The following PDE1C variants were observed in gnomAD, a reference collection of about 807,000 sequenced individuals.
The protein encoded by PDE1C is phosphodiesterase 1C, also known as dual specificity calcium/calmodulin-dependent 3',5'-cyclic nucleotide phosphodiesterase 1C.
PDE1C carries 62 observed loss-of-function variants against 93.1 expected under a neutral mutation model. That is an observed-to-expected ratio of 0.67 (90% CI 0.54 to 0.82). PDE1C has a LOEUF of 0.82. Among genes scored for constraint, PDE1C ranks in the 40% least tolerant of loss-of-function variants. The probability of loss-of-function intolerance (pLI) is 0.00; values close to 1 mark genes in which losing one functional copy is unlikely to be tolerated. For missense variants in PDE1C, 742 were observed against 884.6 expected (o/e 0.84, Z 2.04); for synonymous variants, 325 against 310.1 (o/e 1.05, Z -0.50).
chr7:32,418,776 G>T (rs141634258), intron 1 of PDE1C, among the ~76,000 whole-genome samples: 1 of 152,220 alleles, frequency 6.6e-6, no homozygotes, highest in African/African-American at 2.4e-5. Context: ...AAAAATTAAA[G>T]TCCCAAAGAG....
chr7:31,726,179 C>T, the PDE1C span, among the ~76,000 whole-genome samples: 1 of 152,122 alleles, frequency 6.6e-6, no homozygotes, highest in Non-Finnish European at 1.5e-5. Flanking sequence ...AGCATTTCTC[C>T]CGCTTTAATC....
intron 7 of PDE1C, 79 bp downstream of exon 7, chr7:31,864,863 C>T (rs961605382): frequency 7.2e-6 from 10 of 1,392,676 alleles, no homozygotes; most frequent in Non-Finnish European, 9.1e-6. Flanking sequence ...GCCTCCACCT[C>T]ATCAGAATTG....
chr7:32,005,964 T>C (rs979603320), intron 2 of PDE1C, among the ~76,000 whole-genome samples: 3 of 152,186 alleles, frequency 2.0e-5, no homozygotes, highest in Non-Finnish European at 4.4e-5. Context: ...ATAAAAGATA[T>C]CTTAAAGTAT....
intron 2 of PDE1C, among the ~76,000 whole-genome samples, chr7:32,204,010 G>A (rs1805223664): frequency 6.6e-6 from 1 of 152,184 alleles, no homozygotes; most frequent in Admixed American, 6.5e-5. Flanking sequence ...CAAATTGCCA[G>A]CATCAGTACT....
intron 2 of PDE1C, among the ~76,000 whole-genome samples, chr7:31,959,706 A>G (rs1206950605): frequency 6.6e-6 from 1 of 152,196 alleles, no homozygotes; most frequent in Non-Finnish European, 1.5e-5. Context: ...AAAGTTTCCA[A>G]TTGTTTAAAG....
At chr7:32,079,336 C>T (rs565898718) in intron 3 of PDE1C, among the ~76,000 whole-genome samples, 1 of 152,226 alleles carries the variant, frequency 6.6e-6, no homozygotes, top group East Asian at 1.9e-4. Flanking sequence ...AGATGCATCA[C>T]TGTAAAGGTA....
intron 3 of PDE1C, among the ~76,000 whole-genome samples, chr7:32,146,488 GA>G (rs1563351578): frequency 1.3e-5 from 2 of 152,086 alleles, no homozygotes; most frequent in Non-Finnish European, 2.9e-5. Flanking sequence ...GCCATCTTCA[GA>G]TCTCTATCTG....
chr7:31,621,653 T>C, the PDE1C span, among the ~76,000 whole-genome samples: 1 of 147,834 alleles, frequency 6.8e-6, no homozygotes, highest in African/African-American at 2.5e-5. Flanking sequence ...TGCAAAATCA[T>C]GCCAAAATGT....
At chr7:32,315,744 C>A (rs1783155773) in intron 1 of PDE1C, among the ~76,000 whole-genome samples, 1 of 152,156 alleles carries the variant, frequency 6.6e-6, no homozygotes, top group Non-Finnish European at 1.5e-5. Flanking sequence ...GCCTGTAATC[C>A]CAGCACTTTG....
At chr7:32,308,747 G>A (rs1052940568) in intron 1 of PDE1C, among the ~76,000 whole-genome samples, 1 of 152,180 alleles carries the variant, frequency 6.6e-6, no homozygotes, top group Non-Finnish European at 1.5e-5. Context: ...AAACCCTTCT[G>A]TACGTCACCA....
At chr7:31,623,788 A>G in the PDE1C span, among the ~76,000 whole-genome samples, 1 of 151,896 alleles carries the variant, frequency 6.6e-6, no homozygotes, top group African/African-American at 2.4e-5. Context: ...AGGCAGGAGA[A>G]GGAAATAAAG....
chr7:32,192,757 A>G (rs558722533), intron 2 of PDE1C, among the ~76,000 whole-genome samples: 2 of 152,288 alleles, frequency 1.3e-5, no homozygotes, highest in South Asian at 2.1e-4. Context: ...TTAAATCTGC[A>G]TATAATTATA....
chr7:32,077,237 C>A (rs1796407637), intron 3 of PDE1C, among the ~76,000 whole-genome samples: 1 of 152,098 alleles, frequency 6.6e-6, no homozygotes, highest in African/African-American at 2.4e-5. Flanking sequence ...AAGATTCTAT[C>A]TTAAAAAACA....
the PDE1C span, chr7:31,687,015 G>A: frequency 2.0e-5 from 3 of 152,142 alleles, no homozygotes; most frequent in African/African-American, 7.2e-5. Context: ...AATTTCTCTG[G>A]TGTGCACACC....
intron 2 of PDE1C, among the ~76,000 whole-genome samples, chr7:32,012,279 T>C (rs1787242221): frequency 6.6e-6 from 1 of 152,216 alleles, no homozygotes; most frequent in Non-Finnish European, 1.5e-5. Flanking sequence ...GAAGAAGTCA[T>C]TGTATCACGT....
chr7:32,162,259 C>G (rs1454200983), intron 3 of PDE1C, among the ~76,000 whole-genome samples: 2 of 152,142 alleles, frequency 1.3e-5, no homozygotes, highest in African/African-American at 4.8e-5. Flanking sequence ...AGGGAAGATA[C>G]TGCATCAAAT....
intron 3 of PDE1C, 116 bp from the exon 4 acceptor site, chr7:31,879,294 T>A: frequency 9.9e-7 from 1 of 1,009,398 alleles, no homozygotes; most frequent in African/African-American, 1.6e-5. Context: ...GAAACCAAAT[T>A]AAATTGGCCA....
At chr7:32,343,196 T>A (rs935812881) in intron 1 of PDE1C, among the ~76,000 whole-genome samples, 1 of 152,208 alleles carries the variant, frequency 6.6e-6, no homozygotes, top group Non-Finnish European at 1.5e-5. Flanking sequence ...CCCATCAGCA[T>A]CAAGAAAAGC....
At chr7:32,091,873 G>A (rs1797489805) in intron 3 of PDE1C, among the ~76,000 whole-genome samples, 1 of 152,164 alleles carries the variant, frequency 6.6e-6, no homozygotes, top group South Asian at 2.1e-4. Context: ...GGGCAGGAAG[G>A]GAAAGTCCAG....
Sources: allele counts gnomAD v4.1 joint callset (sites outside exome capture counted in the v4.1 genomes callset), GRCh38; gene constraint gnomAD v4.1.1; transcripts MANE v1.5; gene names NCBI Gene and HGNC (gene_info 2026-07-23, HGNC 2026-07-21).